SMAD4: variants seen among roughly 807,000 people sequenced by gnomAD.
SMAD4 encodes SMAD family member 4, also known as MAD homolog 4.
A neutral mutation model predicts 63.2 loss-of-function variants in SMAD4; 7 were observed. The observed-to-expected ratio is 0.11, with a 90% CI of 0.06 to 0.21. The LOEUF is 0.21. SMAD4 is among the 10% of genes least tolerant of loss of function. The pLI is 1.00. For synonymous variants in SMAD4, 215 were observed against 235.4 expected (o/e 0.91, Z 0.79); for missense variants, 312 against 693.8 (o/e 0.45, Z 6.18).
At chr18:51,054,744 T>A (rs2144417527) in intron 4 of SMAD4, 37 bp from the exon 5 acceptor site, 1 of 1,445,218 alleles carries the variant, frequency 6.9e-7, no homozygotes. Flanking sequence ...GAATAGAAGC[T>A]TATAAAAATT....
chr18:51,068,801 G>A (rs192404347), intron 10 of SMAD4, among the ~76,000 whole-genome samples: 34 of 152,088 alleles, frequency 2.2e-4, no homozygotes, highest in African/African-American at 6.3e-4. Context: ...CATGCCTGTA[G>A]TTTTAGCTAC....
intron 1 of SMAD4, among the ~76,000 whole-genome samples, chr18:51,044,196 G>A (rs958684668): frequency 4.6e-5 from 7 of 151,334 alleles, no homozygotes; most frequent in African/African-American, 1.2e-4. Flanking sequence ...CCAGGCTGGG[G>A]TGCAGTGGCA....
intron 1 of SMAD4, among the ~76,000 whole-genome samples, chr18:51,036,415 C>T (rs1181132631): frequency 2.6e-5 from 4 of 151,988 alleles, no homozygotes; most frequent in Non-Finnish European, 5.9e-5. Flanking sequence ...ATGGGCAGTC[C>T]TTGTAAAAAT....
chr18:51,034,665 T>C (rs1464906981), intron 1 of SMAD4, among the ~76,000 whole-genome samples: 2 of 152,190 alleles, frequency 1.3e-5, no homozygotes, highest in African/African-American at 4.8e-5. Context: ...CTTCAGCTGC[T>C]GCGGTAGCTG....
At chr18:51,042,209 C>T in intron 1 of SMAD4, among the ~76,000 whole-genome samples, 1 of 151,866 alleles carries the variant, frequency 6.6e-6, no homozygotes, top group East Asian at 1.9e-4. Context: ...TATAATTAGC[C>T]CAGAACCTAA....
chr18:51,042,554 G>C (rs921483677), intron 1 of SMAD4, among the ~76,000 whole-genome samples: 1 of 150,500 alleles, frequency 6.6e-6, no homozygotes, highest in African/African-American at 2.5e-5. Context: ...TGTATTTTTT[G>C]TAGAGAGGAG....
chr18:51,042,645 G>A (rs1008208156), intron 1 of SMAD4, among the ~76,000 whole-genome samples: 3 of 151,970 alleles, frequency 2.0e-5, no homozygotes, highest in Admixed American at 6.6e-5. Flanking sequence ...ATCCAACCAT[G>A]TCGGCCTCTT....
chr18:51,058,531 A>T, intron 7 of SMAD4, 75 bp downstream of exon 7: 1 of 961,646 alleles, frequency 1.0e-6, no homozygotes. Context: ...TTTTTTAAAA[A>T]TGTTTTTACA....
At chr18:51,074,224 A>G (rs1254439849) in intron 10 of SMAD4, among the ~76,000 whole-genome samples, 1 of 151,808 alleles carries the variant, frequency 6.6e-6, no homozygotes, top group Non-Finnish European at 1.5e-5. Flanking sequence ...AAAAAAAAAA[A>G]AAAAAAATTA....
chr18:51,067,223 A>T, intron 10 of SMAD4, 36 bp downstream of exon 10: 2 of 1,204,676 alleles, frequency 1.7e-6, no homozygotes, highest in Non-Finnish European at 2.5e-6. Context: ...TTTAGACTTA[A>T]AGCTCTATTT....
Position 51,047,558 on chromosome 18 carries a change from C to T in SMAD4, c.249+263C>T, listed in dbSNP as rs148187942. 3.6e-3 allele frequency among the ~76,000 whole-genome samples: 548 copies of T among 151,418 alleles called. 6 individuals are homozygous for T. In the East Asian group the frequency reaches 0.043, roughly 12 times the overall value. On this transcript the variant is annotated intron_variant, in intron 2 of 11. Transcript: ENST00000342988. Reference sequence around the variant, plus strand: ...AATAAAAAGCAGAAAACCCACACTTCGCAAGAACTACCTTTAGCACTTTGG... The same window carrying T: ...AATAAAAAGCAGAAAACCCACACTTTGCAAGAACTACCTTTAGCACTTTGG...
chr18:51,057,890 C>G (rs1599189220), intron 5 of SMAD4, among the ~76,000 whole-genome samples: 1 of 152,152 alleles, frequency 6.6e-6, no homozygotes, highest in Admixed American at 6.5e-5. Flanking sequence ...AAGAAATAAG[C>G]CACTACAATT....
In SMAD4 at chr18:51,083,151, C is replaced by T. The variant is rs1243234980; in HGVS notation, c.*4684C>T. The T allele has an allele frequency of 4.4e-6, 1 of 225,986 alleles. No homozygotes were observed. The highest frequency in any genetic ancestry group is 8.8e-6 in the Non-Finnish European group (1 of 113,636). 14.0% of individuals were successfully genotyped at this position (225,986 alleles called of 1,614,324 possible). On this transcript the variant is annotated 3_prime_UTR_variant, in exon 12 of 12. Coordinates refer to ENST00000342988, the MANE Select transcript of SMAD4 (RefSeq NM_005359.6). ...GCTGCTCTTACAAAAACTGGGGTTA[C>T]AAGGGTTACTAAATTAGCATCAGTA... is the stretch of plus-strand genomic sequence containing the variant.
chr18:51,032,895 C>A (rs1186789950), intron 1 of SMAD4, among the ~76,000 whole-genome samples: 1 of 152,138 alleles, frequency 6.6e-6, no homozygotes, highest in African/African-American at 2.4e-5. Context: ...CATTTTGTCC[C>A]TCTCTAGTTC....
chr18:51,032,187 T>C (rs960090671), intron 1 of SMAD4, among the ~76,000 whole-genome samples: 3 of 152,238 alleles, frequency 2.0e-5, no homozygotes, highest in Non-Finnish European at 4.4e-5. Flanking sequence ...TAAAAGTCGT[T>C]ATAACATTTT....
chr18:51,034,269 G>A (rs1443257050), intron 1 of SMAD4, among the ~76,000 whole-genome samples: 3 of 142,506 alleles, frequency 2.1e-5, no homozygotes, highest in South Asian at 2.3e-4. Context: ...TTTCTGAGAC[G>A]GAGTTTCGCT....
intron 4 of SMAD4, 41 bp from the exon 5 acceptor site, chr18:51,054,740 A>C (rs1568204939): frequency 2.1e-6 from 3 of 1,410,114 alleles, no homozygotes; most frequent in East Asian, 2.5e-5. Flanking sequence ...CTGGGAATAG[A>C]AGCTTATAAA....
chr18:51,042,948 C>G (rs1256491062), intron 1 of SMAD4, among the ~76,000 whole-genome samples: 1 of 152,192 alleles, frequency 6.6e-6, no homozygotes, highest in Non-Finnish European at 1.5e-5. Context: ...CTTGGAAGGT[C>G]TGAATTTGTA....
chr18:51,058,187 C>T lies in SMAD4; in HGVS notation c.730C>T (p.Pro244Ser), dbSNP rs2144427205. ...SEGLLQIASG[P>S]QPGQQQNGFT... ...AGGACTGTTGCAGATAGCATCAGGG[C>T]CTCAGCCAGGACAGCAGCAGAATGG... The change falls in exon 6 of 12, where the codon CCT becomes TCT. Residue 244 changes from proline to serine, a missense_variant. Pro to Ser is a moderately conservative substitution (Grantham distance 74, BLOSUM62 -1). Coordinates refer to ENST00000342988, the MANE Select transcript of SMAD4 (RefSeq NM_005359.6). 2 of 1,614,128 alleles carry T rather than the reference C, an allele frequency of 1.2e-6. No homozygotes were observed. The highest frequency in any genetic ancestry group is 1.7e-6 in the Non-Finnish European group (2 of 1,179,980).
Sources: allele counts gnomAD v4.1 joint callset (sites outside exome capture counted in the v4.1 genomes callset), GRCh38; gene constraint gnomAD v4.1.1; transcripts MANE v1.5; gene names NCBI Gene and HGNC (gene_info 2026-07-23, HGNC 2026-07-21).